Variants in GALNT17 observed in about 807,000 individuals in gnomAD.
The protein encoded by GALNT17 is UDP-GalNAc:polypeptide N-acetylgalactosaminyltransferase-like 3.
In GALNT17, 29 loss-of-function variants were observed where a neutral mutation model predicts 63.7. The ratio of observed to expected loss-of-function variants is 0.46; its 90% CI spans 0.34 to 0.62. The LOEUF (loss-of-function observed/expected upper bound fraction) is 0.62, where lower values mean the gene tolerates loss of function less well. GALNT17 is among the 20% of genes least tolerant of loss of function. The pLI, the probability that GALNT17 is intolerant of heterozygous loss-of-function variation, is 0.01. For missense variants in GALNT17, 603 were observed against 799.6 expected (o/e 0.75, Z 2.97); for synonymous variants, 305 against 318.3 (o/e 0.96, Z 0.45).
chr7:71,527,420 G>A (rs1386942578), intron 5 of GALNT17, among the ~76,000 whole-genome samples: 2 of 152,110 alleles, frequency 1.3e-5, no homozygotes, highest in Middle Eastern at 6.3e-3. Context: ...TAAGGTTTCT[G>A]GTATGTAATT....
chr7:71,403,739 G>A lies in GALNT17; in HGVS notation c.590-12150G>A, dbSNP rs577937370. On this transcript the variant is annotated intron_variant, in intron 3 of 10. Transcript: ENST00000333538. ...GCCTCACCTCAGTTATTCCACTCCCGGCTGCCAAACGCGTTTAAAGAAAAC... is the reference window on the plus strand; with the variant it reads ...GCCTCACCTCAGTTATTCCACTCCCAGCTGCCAAACGCGTTTAAAGAAAAC... Among the ~76,000 whole-genome samples, 10 of 152,204 alleles carry A rather than the reference G, an allele frequency of 6.6e-5. 1 individual carries two copies. Among genetic ancestry groups the A allele is most frequent in the Non-Finnish European group, 1.0e-4 (7 of 68,028 alleles).
At chr7:71,606,906 A>C (rs967500080) in intron 6 of GALNT17, among the ~76,000 whole-genome samples, 23 of 152,308 alleles carry the variant, frequency 1.5e-4, no homozygotes, top group African/African-American at 5.5e-4. Context: ...GTAAATCTGA[A>C]AGACAAGGGT....
At chr7:71,345,161 T>G (rs534308624) in intron 2 of GALNT17, among the ~76,000 whole-genome samples, 3 of 146,064 alleles carry the variant, frequency 2.1e-5, no homozygotes, top group African/African-American at 7.6e-5. Context: ...TTTTTTTTTG[T>G]TTTTTTTTGC....
chr7:71,618,825 C>T (rs1790253408), intron 6 of GALNT17, among the ~76,000 whole-genome samples: 1 of 152,136 alleles, frequency 6.6e-6, no homozygotes, highest in Non-Finnish European at 1.5e-5. Flanking sequence ...TTAGGTCCTA[C>T]TTGTCTATTT....
At chr7:71,605,792 A>G (rs1171538495) in intron 6 of GALNT17, among the ~76,000 whole-genome samples, 1 of 152,168 alleles carries the variant, frequency 6.6e-6, no homozygotes, top group Non-Finnish European at 1.5e-5. Flanking sequence ...GGAAACAGAA[A>G]TTCATTTAGC....
chr7:71,199,194 T>G (rs1012792175), intron 1 of GALNT17, among the ~76,000 whole-genome samples: 2 of 152,192 alleles, frequency 1.3e-5, no homozygotes, highest in Non-Finnish European at 2.9e-5. Context: ...AAAGCTGAAT[T>G]TACAAGGCAA....
At chr7:71,408,890 A>AT (rs1554366700) in intron 3 of GALNT17, among the ~76,000 whole-genome samples, 6 of 151,136 alleles carry the variant, frequency 4.0e-5, no homozygotes, top group Non-Finnish European at 8.8e-5. Context: ...GTCTCTGTAT[A>AT]TGTGTGTGTG....
chr7:71,338,376 T>C (rs1791950509), intron 2 of GALNT17, among the ~76,000 whole-genome samples: 1 of 146,594 alleles, frequency 6.8e-6, no homozygotes, highest in Non-Finnish European at 1.5e-5. Flanking sequence ...TATATATAAA[T>C]TAGCCAGGTG....
intron 5 of GALNT17, among the ~76,000 whole-genome samples, chr7:71,462,209 T>G (rs1415817979): frequency 6.6e-6 from 1 of 152,194 alleles, no homozygotes; most frequent in South Asian, 2.1e-4. Context: ...AGCCTGAAAT[T>G]CTGGCCCTTT....
intron 5 of GALNT17, among the ~76,000 whole-genome samples, chr7:71,542,858 C>T (rs376763084): frequency 1.3e-5 from 2 of 152,102 alleles, no homozygotes; most frequent in African/African-American, 4.8e-5. Flanking sequence ...ACTCCTTCAG[C>T]CGAGGTTAAT....
At chr7:71,663,665 T>C (rs1189901954) in intron 6 of GALNT17, among the ~76,000 whole-genome samples, 1 of 152,228 alleles carries the variant, frequency 6.6e-6, no homozygotes, top group Non-Finnish European at 1.5e-5. Context: ...ATTTTCTATC[T>C]GTATCGTTTC....
At chr7:71,378,809 C>A (rs1488966797) in intron 2 of GALNT17, among the ~76,000 whole-genome samples, 1 of 151,452 alleles carries the variant, frequency 6.6e-6, no homozygotes, top group East Asian at 1.9e-4. Flanking sequence ...CACACTGAGA[C>A]CCCATCTCTA....
At chr7:71,250,618 C>T (rs540571220) in intron 1 of GALNT17, among the ~76,000 whole-genome samples, 11 of 152,248 alleles carry the variant, frequency 7.2e-5, no homozygotes, top group African/African-American at 2.6e-4. Context: ...GCACCCTAGA[C>T]GTTTTTCCCC....
intron 5 of GALNT17, among the ~76,000 whole-genome samples, chr7:71,568,273 T>C (rs1001256790): frequency 1.3e-5 from 2 of 152,196 alleles, no homozygotes; most frequent in African/African-American, 2.4e-5. Flanking sequence ...GGTCACCTAA[T>C]CTCCGTGTGC....
intron 5 of GALNT17, among the ~76,000 whole-genome samples, chr7:71,459,613 A>G (rs192969463): frequency 3.1e-4 from 47 of 152,336 alleles, no homozygotes; most frequent in African/African-American, 1.0e-3. Flanking sequence ...CAACATGACA[A>G]AGAAGAAAGT....
intron 5 of GALNT17, among the ~76,000 whole-genome samples, chr7:71,479,033 C>A (rs1399149101): frequency 6.6e-6 from 1 of 152,208 alleles, no homozygotes; most frequent in Non-Finnish European, 1.5e-5. Context: ...TCACTTGGCA[C>A]TTCGCAGTTT....
intron 1 of GALNT17, among the ~76,000 whole-genome samples, chr7:71,168,631 A>G (rs1467392890): frequency 6.6e-6 from 1 of 152,100 alleles, no homozygotes; most frequent in African/African-American, 2.4e-5. Flanking sequence ...TTATATACTC[A>G]TATATAGTGA....
chr7:71,402,937 C>G (rs551732738), intron 3 of GALNT17, among the ~76,000 whole-genome samples: 51 of 152,294 alleles, frequency 3.3e-4, no homozygotes, highest in African/African-American at 1.1e-3. Flanking sequence ...CTGCCTTCCC[C>G]CCTGCCTGTA....
rs138722006 is a variant in GALNT17, at chr7:71,230,505, C to T, written c.238+97465C>T. On this transcript the variant is annotated intron_variant, in intron 1 of 10. Coordinates refer to ENST00000333538, the MANE Select transcript of GALNT17 (RefSeq NM_022479.3). ...GCACACCCCCTCCCCTGCCACCAGCCGACTTTCCCTGTGTTCCTTTGGTCA... is the reference window on the plus strand; with the variant it reads ...GCACACCCCCTCCCCTGCCACCAGCTGACTTTCCCTGTGTTCCTTTGGTCA... Among the ~76,000 whole-genome samples the T allele has an allele frequency of 5.3e-3, 798 of 151,906 alleles. 9 individuals carry two copies. The highest frequency in any genetic ancestry group is 0.018 in the African/African-American group (763 of 41,388).
Sources: gnomAD v4.1 joint callset for allele counts (sites outside exome capture counted in the v4.1 genomes callset) on GRCh38, gnomAD v4.1.1 for gene constraint, MANE v1.5 for transcripts, NCBI Gene and HGNC (gene_info 2026-07-23, HGNC 2026-07-21) for gene names.